Variants in PSTPIP1 observed in about 807,000 individuals in gnomAD.
PSTPIP1 encodes the protein proline-serine-threonine phosphatase-interacting protein 1.
In PSTPIP1, 66 loss-of-function variants were observed where a neutral mutation model predicts 69.6. The ratio of observed to expected loss-of-function variants is 0.95; its 90% CI spans 0.78 to 1.16. PSTPIP1 has a LOEUF of 1.16. PSTPIP1 is among the 50% of genes most tolerant of loss of function. The pLI is 0.00. For synonymous variants in PSTPIP1, 266 were observed against 222.7 expected, an observed-to-expected ratio of 1.19 and a Z score of -1.73; for missense variants, 603 against 557.4, an observed-to-expected ratio of 1.08 and a Z score of -0.82.
Position 77,025,563 on chromosome 15 carries a change from CTCGAGGAGTT to C in PSTPIP1, c.317_326del (p.Glu106ValfsTer116). 6.4e-7 allele frequency: 1 copy of C among 1,553,410 alleles called. No individual in the cohort carries two copies. The highest frequency in any genetic ancestry group is 8.7e-7 in the Non-Finnish European group (1 of 1,147,954). ...GACCCTGCGTGAGGAGCTGCGGAGT[CTCGAGGAGTT>C]TCGTGAGAGGCAGAAGGAGCAGAGG... is the stretch of plus-strand genomic sequence containing the variant. On this transcript the variant is annotated frameshift_variant, in exon 5 of 15. Coordinates refer to ENST00000558012, the MANE Select transcript of PSTPIP1 (RefSeq NM_003978.5). LOFTEE classifies it high-confidence loss of function.
intron 1 of PSTPIP1, 41 bp downstream of exon 1, chr15:76,995,650 G>A: frequency 6.2e-7 from 1 of 1,612,380 alleles, no homozygotes. Context: ...AGTGGAGGGG[G>A]CAGAGCTAGG....
At chr15:76,997,823 T>A (rs2075614192) in intron 1 of PSTPIP1, among the ~76,000 whole-genome samples, 1 of 152,216 alleles carries the variant, frequency 6.6e-6, no homozygotes, top group Non-Finnish European at 1.5e-5. Flanking sequence ...CACACTACTC[T>A]GGCCACAGGT....
At position 77,037,058 on chromosome 15, in the gene PSTPIP1, T is replaced by C; in HGVS notation, c.1133T>C (p.Leu378Pro). Residue 378 changes from leucine to proline, a missense_variant, in exon 15 of 15, where the codon CTG becomes CCG. Leu to Pro is a moderately conservative substitution (Grantham distance 98). Coordinates refer to ENST00000558012, the MANE Select transcript of PSTPIP1 (RefSeq NM_003978.5). ...YDYTAQNPDE[L>P]DLSAGDILEV... ...TCTCTTGGCCAGAACCCAGATGAGC[T>C]GGACCTGTCCGCGGGAGACATCCTG... 6.2e-7 allele frequency: 1 copy of C among 1,612,216 alleles called. No homozygotes were observed. Among genetic ancestry groups the C allele is most frequent in the Non-Finnish European group, 8.5e-7 (1 of 1,179,612 alleles).
At position 77,035,462 on chromosome 15, in the gene PSTPIP1, T is replaced by C. The variant is rs369324680; in HGVS notation, c.930-46T>C. On this transcript the variant is annotated intron_variant, in intron 12 of 14. Transcript: ENST00000558012. ...TAAACCCTCCCTCCTGGTGGGTCCC[T>C]GAGTGTGGGGCGGGGACACTCACCC... 4.5e-6 allele frequency: 7 copies of C among 1,547,924 alleles called. No individual in the cohort carries two copies. In the African/African-American group the frequency reaches 5.5e-5, roughly 12 times the overall value.
chr15:77,025,492 C>A lies in PSTPIP1; in HGVS notation c.248-6C>A. 1 of 1,564,076 alleles carries A rather than the reference C, an allele frequency of 6.4e-7. No homozygotes were observed. Among genetic ancestry groups the A allele is most frequent in the Non-Finnish European group, 8.7e-7 (1 of 1,154,300 alleles). Reference sequence around the variant, plus strand: ...CTGGGGACCAGTATCCATGCTCTGCCCCCAGAAATGGAGAATGTGGGCAGC... The same window carrying A: ...CTGGGGACCAGTATCCATGCTCTGCACCCAGAAATGGAGAATGTGGGCAGC... On this transcript the variant is annotated splice_region_variant and splice_polypyrimidine_tract_variant and intron_variant, in intron 4 of 14. Transcript: ENST00000558012.
chr15:77,030,562 A>G lies in PSTPIP1; in HGVS notation c.623A>G (p.Glu208Gly). Residue 208 changes from glutamate to glycine, a missense_variant, in exon 9 of 15, where the codon GAG (glutamate) becomes GGG (glycine). Coordinates refer to ENST00000558012, the MANE Select transcript of PSTPIP1 (RefSeq NM_003978.5). The part of the protein sequence containing the change: ...LEKVRAEWEQ[E>G]HRTTCEAFQL... ...AAGGTCCGGGCTGAGTGGGAGCAGG[A>G]GCACCGGACCACCTGTGAGGTGAGT... 2.5e-6 allele frequency: 4 copies of G among 1,609,204 alleles called. No homozygotes were observed. The highest frequency in any genetic ancestry group is 3.4e-6 in the Non-Finnish European group (4 of 1,176,812).
chr15:77,036,863 C>T (rs555940090), intron 14 of PSTPIP1, among the ~76,000 whole-genome samples, 182 bp from the exon 15 acceptor site: 1 of 152,250 alleles, frequency 6.6e-6, no homozygotes, highest in South Asian at 2.1e-4. Flanking sequence ...TGATGACAAA[C>T]TGAGGGGGAT....
chr15:77,019,438 C>A (rs1156266498), intron 3 of PSTPIP1, among the ~76,000 whole-genome samples: 2 of 152,154 alleles, frequency 1.3e-5, no homozygotes, highest in Non-Finnish European at 2.9e-5. Context: ...ACTGAATGTG[C>A]CATACTCTGA....
At chr15:77,035,381 C>G in intron 12 of PSTPIP1, 127 bp from the exon 13 acceptor site, 2 of 996,548 alleles carry the variant, frequency 2.0e-6, no homozygotes, top group Non-Finnish European at 3.0e-6. Flanking sequence ...TGCCTGGAGG[C>G]TAGGGGCAGT....
At chr15:77,023,062 G>A (rs1257390275) in intron 3 of PSTPIP1, among the ~76,000 whole-genome samples, 1 of 152,232 alleles carries the variant, frequency 6.6e-6, no homozygotes, top group Non-Finnish European at 1.5e-5. Flanking sequence ...TTCAGGTGGG[G>A]GCTGGGAAAA....
chr15:77,011,807 G>C (rs547439197), intron 1 of PSTPIP1, among the ~76,000 whole-genome samples: 1 of 152,166 alleles, frequency 6.6e-6, no homozygotes, highest in African/African-American at 2.4e-5. Flanking sequence ...AGTGATGGGC[G>C]CTCCTCACCT....
intron 1 of PSTPIP1, among the ~76,000 whole-genome samples, chr15:77,012,444 CCCATCCACCCAT>C (rs1225418759): frequency 7.7e-6 from 1 of 129,770 alleles, no homozygotes; most frequent in African/African-American, 2.8e-5. Flanking sequence ...CACCCATCTA[CCCATCCACCCAT>C]CCATCCACCC....
At chr15:77,025,436 T>G in intron 4 of PSTPIP1, 62 bp from the exon 5 acceptor site, 1 of 1,587,664 alleles carries the variant, frequency 6.3e-7, no homozygotes, top group Non-Finnish European at 8.6e-7. Flanking sequence ...ACGGGTGAGT[T>G]GTGGGTGGCT....
At chr15:77,022,282 A>G (rs2076177263) in intron 3 of PSTPIP1, among the ~76,000 whole-genome samples, 1 of 152,190 alleles carries the variant, frequency 6.6e-6, no homozygotes, top group Non-Finnish European at 1.5e-5. Flanking sequence ...GGGAGCCGAG[A>G]GGGCTACTCC....
At chr15:77,033,002 G>A in intron 12 of PSTPIP1, 50 bp downstream of exon 12, 1 of 1,533,546 alleles carries the variant, frequency 6.5e-7, no homozygotes, top group Admixed American at 1.9e-5. Context: ...CCAGGAAGTG[G>A]GTCGAGCCCC....
intron 12 of PSTPIP1, among the ~76,000 whole-genome samples, chr15:77,034,749 T>C (rs1159239415): frequency 2.0e-5 from 3 of 152,244 alleles, no homozygotes; most frequent in Non-Finnish European, 4.4e-5. Flanking sequence ...CCCTCTTGCC[T>C]TGGAGGCAGT....
chr15:77,028,525 C>T, intron 6 of PSTPIP1, 29 bp from the exon 7 acceptor site: 1 of 1,554,926 alleles, frequency 6.4e-7, no homozygotes, highest in Non-Finnish European at 8.7e-7. Flanking sequence ...GCTGTGCAGC[C>T]CCCAAGTCAC....
At chr15:77,025,710 A>G (rs2076266264) in intron 5 of PSTPIP1, 106 bp downstream of exon 5, 4 of 402,880 alleles carry the variant, frequency 9.9e-6, no homozygotes, top group East Asian at 7.0e-5. Context: ...GGAGGGCGGC[A>G]GGGGTGGTGG....
chr15:77,036,076 G>A (rs553431399), intron 14 of PSTPIP1, 141 bp downstream of exon 14: 40 of 1,128,512 alleles, frequency 3.5e-5, no homozygotes, highest in East Asian at 2.1e-4. Flanking sequence ...AGGAGGGCAC[G>A]TGTGCCCGAG....
Sources: gnomAD v4.1 joint callset for allele counts (sites outside exome capture counted in the v4.1 genomes callset) on GRCh38, gnomAD v4.1.1 for gene constraint, MANE v1.5 for transcripts, NCBI Gene and HGNC (gene_info 2026-07-23, HGNC 2026-07-21) for gene names.